The following CNTNAP2 variants were observed in gnomAD, a reference collection of about 807,000 sequenced individuals.
CNTNAP2 encodes contactin associated protein 2.
CNTNAP2 carries 98 observed loss-of-function variants against 155.2 expected under a neutral mutation model. The observed-to-expected ratio is 0.63, with a 90% CI of 0.54 to 0.75. The LOEUF is 0.75. Among genes scored for constraint, CNTNAP2 ranks in the 30% least tolerant of loss-of-function variants. The pLI, the probability that CNTNAP2 is intolerant of heterozygous loss-of-function variation, is 0.00. For synonymous variants in CNTNAP2, 651 were observed against 631.2 expected, an observed-to-expected ratio of 1.03 and a Z score of -0.47; for missense variants, 1,727 against 1,688.1, an observed-to-expected ratio of 1.02 and a Z score of -0.40.
intron 5 of CNTNAP2, among the ~76,000 whole-genome samples, chr7:147,117,369 C>T (rs1048786844): frequency 1.8e-4 from 27 of 152,282 alleles, no homozygotes; most frequent in Non-Finnish European, 3.5e-4. Flanking sequence ...CATAGTCACT[C>T]ACTGCTTCCC....
At chr7:148,192,558 T>C (rs1208901602) in intron 18 of CNTNAP2, among the ~76,000 whole-genome samples, 2 of 147,168 alleles carry the variant, frequency 1.4e-5, no homozygotes, top group African/African-American at 5.1e-5. Context: ...ACAAAAAAAC[T>C]CTCCATGCAG....
chr7:146,358,236 G>T (rs1304603752), intron 1 of CNTNAP2, among the ~76,000 whole-genome samples: 2 of 151,874 alleles, frequency 1.3e-5, no homozygotes, highest in South Asian at 4.1e-4. Context: ...GGGTTTCCCC[G>T]TGTTAGCCAG....
chr7:147,684,058 A>T (rs1795986436), intron 13 of CNTNAP2, among the ~76,000 whole-genome samples: 1 of 151,802 alleles, frequency 6.6e-6, no homozygotes, highest in South Asian at 2.1e-4. Flanking sequence ...CTGGTATACT[A>T]TTATTTTATT....
chr7:146,942,139 G>C (rs1797069703), intron 3 of CNTNAP2, among the ~76,000 whole-genome samples: 1 of 151,612 alleles, frequency 6.6e-6, no homozygotes, highest in Non-Finnish European at 1.5e-5. Flanking sequence ...TCATATAGTT[G>C]CTTTTTTGAT....
At chr7:147,605,619 C>T (rs1801045706) in intron 12 of CNTNAP2, among the ~76,000 whole-genome samples, 1 of 152,112 alleles carries the variant, frequency 6.6e-6, no homozygotes, top group African/African-American at 2.4e-5. Context: ...AATCCATCTT[C>T]CCTAGTTGAT....
intron 1 of CNTNAP2, among the ~76,000 whole-genome samples, chr7:146,228,680 C>T (rs1417819913): frequency 1.3e-5 from 2 of 152,126 alleles, no homozygotes; most frequent in African/African-American, 2.4e-5. Context: ...ATGTGATTCA[C>T]ATTTCATCTC....
At chr7:148,350,769 A>G (rs543807987) in intron 21 of CNTNAP2, among the ~76,000 whole-genome samples, 2 of 152,270 alleles carry the variant, frequency 1.3e-5, no homozygotes, top group South Asian at 4.1e-4. Context: ...TGTTCTTTCA[A>G]ATCCCTCTGT....
At chr7:146,455,203 C>T (rs1190360158) in intron 1 of CNTNAP2, among the ~76,000 whole-genome samples, 2 of 152,180 alleles carry the variant, frequency 1.3e-5, no homozygotes, top group African/African-American at 2.4e-5. Context: ...TCAATCATGG[C>T]AAATACCCTT....
At chr7:146,539,261 ACTTAAGCTG>A (rs1797915842) in intron 1 of CNTNAP2, among the ~76,000 whole-genome samples, 1 of 152,060 alleles carries the variant, frequency 6.6e-6, no homozygotes, top group Non-Finnish European at 1.5e-5. Context: ...TTCTTACAGC[ACTTAAGCTG>A]CTGGTACATG....
chr7:146,388,813 T>C (rs1011389576), intron 1 of CNTNAP2, among the ~76,000 whole-genome samples: 1 of 152,160 alleles, frequency 6.6e-6, no homozygotes, highest in Non-Finnish European at 1.5e-5. Context: ...TGTCCATGGG[T>C]TCAATTGTTT....
At chr7:146,476,889 C>CA (rs1796885489) in intron 1 of CNTNAP2, among the ~76,000 whole-genome samples, 1 of 152,176 alleles carries the variant, frequency 6.6e-6, no homozygotes, top group East Asian at 1.9e-4. Context: ...TATGGCTACG[C>CA]ATACACTGCC....
At chr7:147,444,793 G>T (rs1438943953) in intron 10 of CNTNAP2, among the ~76,000 whole-genome samples, 2 of 152,146 alleles carry the variant, frequency 1.3e-5, no homozygotes, top group African/African-American at 4.8e-5. Context: ...AAAGGATGAT[G>T]TATTAGTCCG....
intron 11 of CNTNAP2, among the ~76,000 whole-genome samples, chr7:147,553,930 C>G (rs1000435306): frequency 6.6e-6 from 1 of 152,036 alleles, no homozygotes; most frequent in Non-Finnish European, 1.5e-5. Flanking sequence ...TCATTGCACT[C>G]CAGCCTAGGC....
At chr7:148,327,041 C>T (rs968305090) in intron 21 of CNTNAP2, among the ~76,000 whole-genome samples, 12 of 152,174 alleles carry the variant, frequency 7.9e-5, no homozygotes, top group Non-Finnish European at 1.6e-4. Context: ...CTCGCAGTGG[C>T]TTTCTCATCC....
intron 2 of CNTNAP2, among the ~76,000 whole-genome samples, chr7:146,774,994 G>A (rs1247348532): frequency 1.3e-5 from 2 of 152,072 alleles, no homozygotes; most frequent in South Asian, 2.1e-4. Flanking sequence ...AAGGACAGAG[G>A]CAAAAAACTC....
At chr7:147,393,483 C>CAAA (rs753538177) in intron 9 of CNTNAP2, among the ~76,000 whole-genome samples, 3 of 89,362 alleles carry the variant, frequency 3.4e-5, no homozygotes, top group African/African-American at 1.2e-4. Context: ...CCCAATTATT[C>CAAA]AAAAAAAAAA....
At chr7:147,079,798 T>C (rs563154373) in intron 4 of CNTNAP2, among the ~76,000 whole-genome samples, 1 of 152,020 alleles carries the variant, frequency 6.6e-6, no homozygotes, top group African/African-American at 2.4e-5. Flanking sequence ...ACAATAACAA[T>C]CCCATAGCTG....
At chr7:147,345,901 T>C (rs979487853) in intron 9 of CNTNAP2, among the ~76,000 whole-genome samples, 22 of 152,176 alleles carry the variant, frequency 1.4e-4, no homozygotes, top group African/African-American at 5.3e-4. Flanking sequence ...CTCAAAGAGA[T>C]GGCAATTTTA....
intron 10 of CNTNAP2, among the ~76,000 whole-genome samples, chr7:147,405,398 A>C (rs1796988470): frequency 6.6e-6 from 1 of 152,198 alleles, no homozygotes; most frequent in African/African-American, 2.4e-5. Context: ...CTAAGAATTC[A>C]TTTAACTGCT....
Sources: gnomAD v4.1 joint callset for allele counts (sites outside exome capture counted in the v4.1 genomes callset) on GRCh38, gnomAD v4.1.1 for gene constraint, MANE v1.5 for transcripts, NCBI Gene and HGNC (gene_info 2026-07-23, HGNC 2026-07-21) for gene names.